The following GABARAP variants were observed in gnomAD, a reference collection of about 807,000 sequenced individuals.
GABARAP encodes the protein gamma-aminobutyric acid receptor-associated protein.
Under a neutral mutation model 16.7 loss-of-function variants are expected in GABARAP, and 5 were observed. That is an observed-to-expected ratio of 0.30 (90% confidence interval 0.16 to 0.63). The LOEUF (loss-of-function observed/expected upper bound fraction) is 0.63. Among genes scored for constraint, GABARAP ranks in the 20% least tolerant of loss-of-function variants. GABARAP has a pLI of 0.82. For missense variants in GABARAP, 84 were observed against 146.6 expected, an observed-to-expected ratio of 0.57 and a Z score of 2.21; for synonymous variants, 45 against 52.7, an observed-to-expected ratio of 0.85 and a Z score of 0.64.
intron 3 of GABARAP, 79 bp from the exon 4 acceptor site, chr17:7,240,998 G>A: frequency 2.2e-6 from 2 of 923,142 alleles, no homozygotes; most frequent in Non-Finnish European, 3.6e-6. Flanking sequence ...CGTTCTTCTA[G>A]AACCACAAAC....
chr17:7,241,525 TA>T, intron 2 of GABARAP, 65 bp from the exon 3 acceptor site: 1 of 1,310,906 alleles, frequency 7.6e-7, no homozygotes, highest in South Asian at 1.2e-5. Flanking sequence ...GAACAGCTGC[TA>T]GGTGGAGCCT....
Position 7,242,301 on chromosome 17 carries a change from C to A in GABARAP, c.30G>T (p.Pro10=). MKFVYKEEH[P]FEKRRSEGEK... The stretch of plus-strand genomic sequence containing the variant: ...CGCCCTCAGAGCGGCGCTTCTCGAA[C>A]GGATGCTCTTCTTTGTACACGAACT... Residue 10 remains proline, a synonymous_variant, in exon 1 of 4, where the codon CCG becomes CCT. Transcript: ENST00000302386. 6.2e-7 allele frequency: 1 copy of A among 1,613,814 alleles called. No individual in the cohort carries two copies. Among genetic ancestry groups the A allele is most frequent in the Non-Finnish European group, 8.5e-7 (1 of 1,179,846 alleles).
chr17:7,240,634 G>T lies in GABARAP; in HGVS notation c.*220C>A. On this transcript the variant is annotated 3_prime_UTR_variant, in exon 4 of 4. Coordinates refer to ENST00000302386, the MANE Select transcript of GABARAP (RefSeq NM_007278.2). The stretch of plus-strand genomic sequence containing the variant: ...AAGTCTACAGCAGGATGGGAAAGGC[G>T]GGCAGAGAAAGGGGAAGAAAGGAGA... The T allele has an allele frequency of 5.7e-6, 3 of 523,426 alleles. No individual in the cohort carries two copies. Among genetic ancestry groups the T allele is most frequent in the Non-Finnish European group, 1.0e-5 (3 of 292,672 alleles). 32.4% of individuals were successfully genotyped at this position (523,426 alleles called of 1,614,324 possible).
intron 3 of GABARAP, 80 bp from the exon 4 acceptor site, chr17:7,240,999 A>G (rs2071771916): frequency 1.1e-6 from 1 of 898,328 alleles, no homozygotes; most frequent in East Asian, 2.4e-5. Flanking sequence ...GTTCTTCTAG[A>G]ACCACAAACC....
intron 1 of GABARAP, 184 bp downstream of exon 1, chr17:7,242,057 T>G: frequency 4.9e-6 from 3 of 609,118 alleles, no homozygotes; most frequent in Non-Finnish European, 8.8e-6. Context: ...CACATCCCTC[T>G]CAACCCCACA....
At chr17:7,240,964 C>G (rs1197903578) in intron 3 of GABARAP, 45 bp from the exon 4 acceptor site, 1 of 1,292,590 alleles carries the variant, frequency 7.7e-7, no homozygotes, top group Admixed American at 1.7e-5. Flanking sequence ...GCTCCAGTAA[C>G]TTAAACCAAC....
At chr17:7,241,564 A>G in intron 2 of GABARAP, 37 bp downstream of exon 2, 1 of 1,504,994 alleles carries the variant, frequency 6.6e-7, no homozygotes. Context: ...ACTCCCACCC[A>G]CAGGAAGCAA....
At chr17:7,242,156 C>T in intron 1 of GABARAP, 85 bp downstream of exon 1, 1 of 951,776 alleles carries the variant, frequency 1.1e-6, no homozygotes, top group Admixed American at 2.2e-5. Context: ...GCAGCCTGAT[C>T]CCTGCGCTGC....
chr17:7,241,266 T>A (rs2071775235), intron 3 of GABARAP, 76 bp downstream of exon 3: 1 of 821,794 alleles, frequency 1.2e-6, no homozygotes, highest in African/African-American at 1.7e-5. Context: ...AAACTACTGA[T>A]GTAACAACAC....
At position 7,241,447 on chromosome 17, in the gene GABARAP, G is replaced by A. The variant is rs376821360; in HGVS notation, c.183C>T (p.Tyr61=). ...VPSDLTVGQF[Y]FLIRKRIHLR... is the part of the protein sequence containing the mutation. ...GATGAATTCGCTTCCGGATCAAGAAGTAGAACTGACCAACTGCAAAAGATA... is the reference window on the plus strand; with the variant it reads ...GATGAATTCGCTTCCGGATCAAGAAATAGAACTGACCAACTGCAAAAGATA... Residue 61 remains tyrosine (Y), a synonymous_variant, in exon 3 of 4, where the codon TAC becomes TAT. Coordinates refer to ENST00000302386, the MANE Select transcript of GABARAP (RefSeq NM_007278.2). 3.3e-5 allele frequency: 52 copies of A among 1,570,970 alleles called. No homozygotes were observed. Among genetic ancestry groups the A allele is most frequent in the Admixed American group, 8.3e-5 (5 of 59,954 alleles).
chr17:7,241,548 G>T, intron 2 of GABARAP, 53 bp downstream of exon 2: 1 of 1,398,874 alleles, frequency 7.1e-7, no homozygotes, highest in Non-Finnish European at 1.0e-6. Context: ...CTCCCGCAGA[G>T]ACTGCACTCC....
chr17:7,241,065 G>A (rs2071772787), intron 3 of GABARAP, 146 bp from the exon 4 acceptor site: 1 of 694,896 alleles, frequency 1.4e-6, no homozygotes, highest in African/African-American at 1.8e-5. Context: ...TATAATCTCT[G>A]CAGTCCTGGG....
At position 7,242,390 on chromosome 17, in the gene GABARAP, G is replaced by GGGAACCCA; in HGVS notation, c.-61_-60insTGGGTTCC. 1 of 1,319,860 alleles carries GGGAACCCA rather than the reference G, an allele frequency of 7.6e-7. No homozygotes were observed. Among genetic ancestry groups the GGGAACCCA allele is most frequent in the Non-Finnish European group, 1.1e-6 (1 of 922,144 alleles). 81.8% of individuals were successfully genotyped at this position (1,319,860 alleles called of 1,614,324 possible). On this transcript the variant is annotated 5_prime_UTR_variant, in exon 1 of 4. Transcript: ENST00000302386. ...AGGGAACCCAGGGGGGCCGGGACGG[G>GGGAACCCA]GGGCGGCGACGACGGCGGCGACGCG...
Position 7,240,827 on chromosome 17 carries a change from C to A in GABARAP, c.*27G>T, listed in dbSNP as rs10999. 32,635 of 1,541,568 alleles carry A rather than the reference C, an allele frequency of 0.021. 2,268 individuals carry two copies. The East Asian group carries it at 0.28, about 13-fold the overall frequency. ...CCACCTCTCTCTTTGTAGAATGAGACCCCCCTCCAGCTCAGGGGCAGCAGC... is the reference window on the plus strand; with the variant it reads ...CCACCTCTCTCTTTGTAGAATGAGAACCCCCTCCAGCTCAGGGGCAGCAGC... On this transcript the variant is annotated 3_prime_UTR_variant, in exon 4 of 4. Transcript: ENST00000302386.
Position 7,241,476 on chromosome 17 carries a change from G to A in GABARAP, c.170-16C>T. 7.0e-7 allele frequency: 1 copy of A among 1,431,224 alleles called. No homozygotes were observed. Among genetic ancestry groups the A allele is most frequent in the Non-Finnish European group, 9.9e-7 (1 of 1,013,106 alleles). The allele number at this position is 1,431,224 out of a possible 1,614,324, so 88.7% of individuals were successfully genotyped here. A position where few individuals can be genotyped will look rare whatever the true frequency, so the allele number is the denominator to read the frequency against. On this transcript the variant is annotated splice_polypyrimidine_tract_variant and intron_variant, in intron 2 of 3. Coordinates refer to ENST00000302386, the MANE Select transcript of GABARAP (RefSeq NM_007278.2). ...AACTGACCAACTGCAAAAGATACAAGATGCAAGAAAGTCACAGAGGTCAAA... is the reference window on the plus strand; with the variant it reads ...AACTGACCAACTGCAAAAGATACAAAATGCAAGAAAGTCACAGAGGTCAAA...
At position 7,242,402 on chromosome 17, in the gene GABARAP, A is replaced by G. The variant is rs917790317; in HGVS notation, c.-72T>C. ...GGGGCCGGGACGGGGGGCGGCGACG[A>G]CGGCGGCGACGCGCGGGCGGATTCA... On this transcript the variant is annotated 5_prime_UTR_variant, in exon 1 of 4. Transcript: ENST00000302386. 15 of 1,062,188 alleles carry G rather than the reference A, an allele frequency of 1.4e-5. 1 individual carries two copies. In the African/African-American group the frequency reaches 1.9e-4, roughly 13 times the overall value. 65.8% of individuals were successfully genotyped at this position (1,062,188 alleles called of 1,614,324 possible).
intron 1 of GABARAP, chr17:7,242,027 TA>T (rs2071783755): frequency 3.3e-6 from 2 of 600,136 alleles, no homozygotes; most frequent in Non-Finnish European, 5.9e-6. Context: ...CCTCAAATGC[TA>T]AGGTTTCTCT....
At chr17:7,241,487 G>A (rs372527522) in intron 2 of GABARAP, 27 bp from the exon 3 acceptor site, 1 of 1,378,366 alleles carries the variant, frequency 7.3e-7, no homozygotes, top group South Asian at 1.2e-5. Context: ...ATGCAAGAAA[G>A]TCACAGAGGT....
chr17:7,240,174 T>G lies in GABARAP; in HGVS notation c.*680A>C, dbSNP rs1358738608. On this transcript the variant is annotated 3_prime_UTR_variant, in exon 4 of 4. Coordinates refer to ENST00000302386, the MANE Select transcript of GABARAP (RefSeq NM_007278.2). ...TTACATGAGCATTTTTAACATTTAG[T>G]TTCACATGCGTGTTATAAAACTAAA... is the stretch of plus-strand genomic sequence containing the variant. The G allele has an allele frequency of 6.6e-6, 1 of 152,226 alleles. No homozygotes were observed. Among genetic ancestry groups the G allele is most frequent in the African/African-American group, 2.4e-5 (1 of 41,454 alleles). The allele number at this position is 152,226 out of a possible 1,614,324, so 9.4% of individuals were successfully genotyped here.
Sources: allele counts gnomAD v4.1 joint callset, GRCh38; gene constraint gnomAD v4.1.1; transcripts MANE v1.5; gene names NCBI Gene and HGNC (gene_info 2026-07-23, HGNC 2026-07-21).